CSMD1: variants seen among roughly 807,000 people sequenced by gnomAD.
CSMD1 encodes CUB and sushi domain-containing protein 1.
A neutral mutation model predicts 417.5 loss-of-function variants in CSMD1; 213 were observed. The ratio of observed to expected loss-of-function variants is 0.51; its 90% CI spans 0.46 to 0.57. The LOEUF is 0.57. CSMD1 is among the 20% of genes least tolerant of loss of function. CSMD1 has a pLI of 0.00. For synonymous variants in CSMD1, 2,862 were observed against 1,736.8 expected, an observed-to-expected ratio of 1.65 and a Z score of -16.11; for missense variants, 6,923 against 4,529.7, an observed-to-expected ratio of 1.53 and a Z score of -15.17.
At chr8:4,724,040 A>T (rs1315138022) in intron 1 of CSMD1, among the ~76,000 whole-genome samples, 2 of 152,122 alleles carry the variant, frequency 1.3e-5, no homozygotes, top group African/African-American at 4.8e-5. Context: ...CAATCACTGA[A>T]TGATTCTTCT....
Position 3,151,431 on chromosome 8 carries a change from G to C in CSMD1, c.5997C>G (p.Asp1999Glu), listed in dbSNP as rs1206077061. Residue 1999 changes from aspartate (D) to glutamate (E), a missense_variant, in exon 40 of 70, where the codon GAC becomes GAG. Physicochemically the swap from Asp to Glu is conservative, Grantham distance 45. Transcript: ENST00000635120. ...GFPGSYPNNLDCTWRISLPIG... is the reference protein window; with the variant it reads ...GFPGSYPNNLECTWRISLPIG... ...TGGGTAATGAGATCCTCCAGGTGCAGTCTAAGTTGTTGGGGTAAGAACCTG... is the reference window on the plus strand; with the variant it reads ...TGGGTAATGAGATCCTCCAGGTGCACTCTAAGTTGTTGGGGTAAGAACCTG... The C allele has an allele frequency of 3.1e-6, 5 of 1,613,580 alleles. No individual in the cohort carries two copies. The highest frequency in any genetic ancestry group is 2.2e-5 in the East Asian group (1 of 44,862).
intron 4 of CSMD1, among the ~76,000 whole-genome samples, chr8:4,030,236 G>A (rs994988610): frequency 3.0e-4 from 45 of 152,260 alleles, no homozygotes; most frequent in African/African-American, 1.0e-3. Context: ...CTGTGGGGGA[G>A]CTCTGACCCC....
At chr8:4,519,723 G>A (rs1370820852) in intron 2 of CSMD1, among the ~76,000 whole-genome samples, 2 of 108,336 alleles carry the variant, frequency 1.8e-5, no homozygotes, top group Non-Finnish European at 3.4e-5. Flanking sequence ...AGCCTAGGCA[G>A]CAGAGTCAGA....
chr8:3,371,321 A>G (rs534332314), intron 18 of CSMD1, among the ~76,000 whole-genome samples: 60 of 152,302 alleles, frequency 3.9e-4, no homozygotes, highest in African/African-American at 1.3e-3. Flanking sequence ...CTGTGCTTCC[A>G]TGGCCTCACA....
intron 50 of CSMD1, among the ~76,000 whole-genome samples, chr8:3,050,336 C>T (rs1811738456): frequency 6.6e-6 from 1 of 152,098 alleles, no homozygotes; most frequent in South Asian, 2.1e-4. Context: ...ATTTGTGTCC[C>T]AGTTTTTCAG....
intron 5 of CSMD1, among the ~76,000 whole-genome samples, chr8:3,962,699 G>A (rs569551324): frequency 6.6e-6 from 1 of 152,220 alleles, no homozygotes; most frequent in African/African-American, 2.4e-5. Context: ...GTGGTGCAGA[G>A]GTGCGGCCCT....
chr8:3,639,857 C>T (rs1797221778), intron 7 of CSMD1, among the ~76,000 whole-genome samples: 1 of 152,100 alleles, frequency 6.6e-6, no homozygotes, highest in Non-Finnish European at 1.5e-5. Flanking sequence ...ATTTTATCAG[C>T]TGGAAAAATA....
chr8:3,391,094 T>G (rs1811318173), intron 17 of CSMD1, among the ~76,000 whole-genome samples: 1 of 152,222 alleles, frequency 6.6e-6, no homozygotes, highest in Non-Finnish European at 1.5e-5. Flanking sequence ...ATATATACCT[T>G]TGCATTGCAT....
At chr8:4,371,812 A>G (rs919885621) in intron 3 of CSMD1, among the ~76,000 whole-genome samples, 1 of 152,244 alleles carries the variant, frequency 6.6e-6, no homozygotes, top group Non-Finnish European at 1.5e-5. Flanking sequence ...ACTGCCAAGC[A>G]ATTGTAGTGG....
At chr8:4,181,775 G>A (rs575715687) in intron 3 of CSMD1, among the ~76,000 whole-genome samples, 4 of 152,140 alleles carry the variant, frequency 2.6e-5, no homozygotes, top group Non-Finnish European at 4.4e-5. Context: ...GAAATATTAC[G>A]TATTAACGAT....
chr8:4,220,950 G>A (rs1217483273), intron 3 of CSMD1, among the ~76,000 whole-genome samples: 3 of 152,164 alleles, frequency 2.0e-5, no homozygotes, highest in Admixed American at 2.0e-4. Context: ...ACACCACACG[G>A]TTGAGTGCGC....
chr8:3,391,927 G>A (rs878987125), intron 17 of CSMD1, among the ~76,000 whole-genome samples: 3 of 152,080 alleles, frequency 2.0e-5, no homozygotes, highest in African/African-American at 4.8e-5. Context: ...TTTTTAAGAG[G>A]CATAAAGAGT....
chr8:3,529,347 T>C (rs1797883265), intron 10 of CSMD1, among the ~76,000 whole-genome samples: 1 of 152,194 alleles, frequency 6.6e-6, no homozygotes, highest in Admixed American at 6.5e-5. Flanking sequence ...TTAAGTGTAC[T>C]AAATCAATTC....
intron 12 of CSMD1, among the ~76,000 whole-genome samples, chr8:3,435,461 C>T (rs1585160477): frequency 6.6e-6 from 1 of 152,126 alleles, no homozygotes; most frequent in East Asian, 1.9e-4. Context: ...TCTTAGACCA[C>T]CACATTCTGT....
intron 5 of CSMD1, among the ~76,000 whole-genome samples, chr8:3,917,514 A>G (rs537962461): frequency 1.2e-4 from 18 of 152,288 alleles, no homozygotes; most frequent in African/African-American, 4.3e-4. Flanking sequence ...TAAAAAATAC[A>G]CAAATAACAA....
chr8:3,342,367 T>C (rs893131624), intron 23 of CSMD1, among the ~76,000 whole-genome samples: 2 of 152,210 alleles, frequency 1.3e-5, no homozygotes, highest in African/African-American at 4.8e-5. Flanking sequence ...TAACATACTT[T>C]TATGCTCAAA....
chr8:3,259,363 G>C (rs754179531), intron 26 of CSMD1, among the ~76,000 whole-genome samples: 1 of 152,174 alleles, frequency 6.6e-6, no homozygotes, highest in Non-Finnish European at 1.5e-5. Flanking sequence ...GTCCTGCTTA[G>C]CTCTCAGCAT....
rs7829156 is a variant in CSMD1 at position 3,775,479 on chromosome 8, G to A, written c.819-21437C>T. Among the ~76,000 whole-genome samples the A allele has an allele frequency of 8.0e-3, 1,218 of 152,240 alleles. 17 individuals carry two copies. The highest frequency in any genetic ancestry group is 0.028 in the African/African-American group (1,164 of 41,540). On this transcript the variant is annotated intron_variant, in intron 5 of 69. Transcript: ENST00000635120. ...CATTTATCAATGATACTCATGAAAA[G>A]GACACGGGGTGAAGTTATGAATAAC...
chr8:2,983,131 C>T (rs187671639), intron 54 of CSMD1, among the ~76,000 whole-genome samples: 1,678 of 152,186 alleles, frequency 0.011, 43 homozygotes, highest in African/African-American at 0.038. Flanking sequence ...CTCAGAAAAA[C>T]TTTTTATAAT....
Sources: allele counts gnomAD v4.1 joint callset (sites outside exome capture counted in the v4.1 genomes callset), GRCh38; gene constraint gnomAD v4.1.1; transcripts MANE v1.5; gene names NCBI Gene and HGNC (gene_info 2026-07-23, HGNC 2026-07-21).